The following ACACB variants were observed in gnomAD, a reference collection of about 807,000 sequenced individuals.
The protein encoded by ACACB is acetyl-CoA carboxylase beta.
ACACB carries 209 observed loss-of-function variants against 278.8 expected under a neutral mutation model. The ratio of observed to expected loss-of-function variants is 0.75; its 90% CI spans 0.67 to 0.84. The LOEUF (loss-of-function observed/expected upper bound fraction) is 0.84. Ranked by LOEUF, ACACB falls within the 40% of genes least tolerant of loss-of-function variation. The pLI is 0.00. For missense variants in ACACB, 2,850 were observed against 3,269.0 expected (o/e 0.87, Z 3.13); for synonymous variants, 1,174 against 1,285.6 (o/e 0.91, Z 1.86).
At chr12:109,201,452 T>A in intron 18 of ACACB, 115 bp from the exon 19 acceptor site, 1 of 1,249,004 alleles carries the variant, frequency 8.0e-7, no homozygotes, top group South Asian at 1.4e-5. Flanking sequence ...GGAGTCATTC[T>A]GGCGCGTCCC....
rs775811393 is a variant in ACACB at position 109,201,529 on chromosome 12, C to G, written c.2779-38C>G. The stretch of plus-strand genomic sequence containing the variant: ...TCTGGGTGGCTCTGGGTGTCAATCC[C>G]GGTGGGCTCTGTACTATTTCTTCTT... On this transcript the variant is annotated intron_variant, in intron 18 of 52. Transcript: ENST00000338432. 2.5e-6 allele frequency: 4 copies of G among 1,608,180 alleles called. No individual in the cohort carries two copies. In the East Asian group the frequency reaches 8.9e-5, roughly 36 times the overall value.
chr12:109,152,993 T>C (rs2043420273), intron 2 of ACACB, among the ~76,000 whole-genome samples: 1 of 151,848 alleles, frequency 6.6e-6, no homozygotes, highest in Non-Finnish European at 1.5e-5. Context: ...TTTTCATGTT[T>C]TTGTTTGTTT....
intron 17 of ACACB, among the ~76,000 whole-genome samples, chr12:109,199,093 G>A (rs1442957126): frequency 6.6e-6 from 1 of 152,102 alleles, no homozygotes; most frequent in Non-Finnish European, 1.5e-5. Flanking sequence ...GGGAGGCTGA[G>A]GCAGGAGAAT....
chr12:109,210,606 T>A (rs557892726), intron 21 of ACACB, among the ~76,000 whole-genome samples: 23 of 149,702 alleles, frequency 1.5e-4, no homozygotes, highest in Non-Finnish European at 2.7e-4. Flanking sequence ...TATGTATATA[T>A]ATAATATTTT....
In ACACB at chr12:109,184,321, G is replaced by T. The variant is rs187278753; in HGVS notation, c.1819-1258G>T. 1.8e-4 allele frequency among the ~76,000 whole-genome samples: 28 copies of T among 152,176 alleles called. 1 individual carries two copies. The highest frequency in any genetic ancestry group is 6.8e-3 in the Middle Eastern group (2 of 294). ...GCCCACCTCGGCCTCCCAAAATGCTGGGATTACAGGTATGCACCACTGTGC... is the reference window on the plus strand; with the variant it reads ...GCCCACCTCGGCCTCCCAAAATGCTTGGATTACAGGTATGCACCACTGTGC... On this transcript the variant is annotated intron_variant, in intron 11 of 52. Coordinates refer to ENST00000338432, the MANE Select transcript of ACACB (RefSeq NM_001093.4).
chr12:109,207,627 T>C (rs930613445), intron 20 of ACACB, among the ~76,000 whole-genome samples: 20 of 152,314 alleles, frequency 1.3e-4, no homozygotes, highest in African/African-American at 4.3e-4. Flanking sequence ...GAGCAAATCA[T>C]GATGGTGATG....
intron 47 of ACACB, chr12:109,260,225 G>T (rs926764658): frequency 1.0e-5 from 14 of 1,384,728 alleles, no homozygotes; most frequent in Non-Finnish European, 1.4e-5. Flanking sequence ...TTCAATTCCA[G>T]TTGGAAAGAA....
At chr12:109,172,425 T>A in intron 6 of ACACB, 69 bp downstream of exon 6, 1 of 1,427,912 alleles carries the variant, frequency 7.0e-7, no homozygotes, top group Non-Finnish European at 9.8e-7. Flanking sequence ...GGTCTGACCC[T>A]CTTTCTCCTC....
At chr12:109,204,254 T>C (rs2136351267) in intron 19 of ACACB, among the ~76,000 whole-genome samples, 1 of 150,560 alleles carries the variant, frequency 6.6e-6, no homozygotes, top group South Asian at 2.1e-4. Context: ...CACCCTGTTG[T>C]GCTATCAATA....
chr12:109,219,647 CTT>C (rs755717303), intron 24 of ACACB, among the ~76,000 whole-genome samples: 5 of 152,164 alleles, frequency 3.3e-5, no homozygotes, highest in Non-Finnish European at 7.3e-5. Context: ...CTGCAACTGA[CTT>C]TCAGAAAAAG....
At position 109,139,943 on chromosome 12, in the gene ACACB, G is replaced by C; in HGVS notation, c.538G>C (p.Val180Leu). The C allele has an allele frequency of 5.0e-6, 8 of 1,614,140 alleles. No individual in the cohort carries two copies. Among genetic ancestry groups the C allele is most frequent in the Non-Finnish European group, 6.8e-6 (8 of 1,180,030 alleles). ...TGACTACTCCTCCGACGAGGACTCT[G>C]TTGCTGGCTCATCTCGTGAGTCTAC... is the stretch of plus-strand genomic sequence containing the variant. Reference protein sequence around the residue: ...FDDYSSDEDSVAGSSRESTRK... With the variant: ...FDDYSSDEDSLAGSSRESTRK... The change falls in exon 2 of 53, where the codon GTT becomes CTT. Residue 180 changes from valine (V) to leucine (L), a missense_variant. Coordinates refer to ENST00000338432, the MANE Select transcript of ACACB (RefSeq NM_001093.4).
intron 2 of ACACB, among the ~76,000 whole-genome samples, chr12:109,159,290 C>T (rs1475492881): frequency 6.6e-6 from 1 of 152,216 alleles, no homozygotes; most frequent in Non-Finnish European, 1.5e-5. Context: ...GGCTCAGAAT[C>T]AGCTCTTAGC....
At chr12:109,131,463 G>A (rs2042825206) in intron 1 of ACACB, 1 of 152,718 alleles carries the variant, frequency 6.5e-6, no homozygotes, top group South Asian at 2.1e-4. Context: ...TAATCTTGGT[G>A]GGAGGAAAAA....
Position 109,235,664 on chromosome 12 carries a change from T to C in ACACB, c.4446+17T>C. On this transcript the variant is annotated intron_variant, in intron 33 of 52. Transcript: ENST00000338432. ...AGAGATGAGGTATGGCCAAAAGTAATGATGTTTTCTCTTCTCTAGCATCTT... is the reference window on the plus strand; with the variant it reads ...AGAGATGAGGTATGGCCAAAAGTAACGATGTTTTCTCTTCTCTAGCATCTT... 2 of 1,603,988 alleles carry C rather than the reference T, an allele frequency of 1.2e-6. No homozygotes were observed. The highest frequency in any genetic ancestry group is 1.7e-6 in the Non-Finnish European group (2 of 1,171,746).
intron 1 of ACACB, among the ~76,000 whole-genome samples, chr12:109,132,111 A>C (rs970880177): frequency 6.6e-6 from 1 of 152,160 alleles, no homozygotes; most frequent in African/African-American, 2.4e-5. Context: ...ACAGTTTACC[A>C]AGCTGTAAAA....
intron 32 of ACACB, 93 bp downstream of exon 32, chr12:109,235,462 A>G: frequency 6.8e-7 from 1 of 1,467,670 alleles, no homozygotes; most frequent in Non-Finnish European, 9.5e-7. Context: ...ATTTGGGTGA[A>G]AGAGATCATT....
chr12:109,126,691 A>T (rs1001204978), intron 1 of ACACB, among the ~76,000 whole-genome samples: 1 of 151,652 alleles, frequency 6.6e-6, no homozygotes, highest in Non-Finnish European at 1.5e-5. Context: ...CTCTACACAC[A>T]CAAAAAAAAT....
chr12:109,242,798 T>G, intron 37 of ACACB: 1 of 556,654 alleles, frequency 1.8e-6, no homozygotes, highest in Non-Finnish European at 3.1e-6. Context: ...GAACCCCATC[T>G]CTACAAAATA....
intron 17 of ACACB, among the ~76,000 whole-genome samples, chr12:109,197,406 A>G (rs1214666427): frequency 1.3e-5 from 2 of 152,154 alleles, no homozygotes; most frequent in African/African-American, 4.8e-5. Context: ...TGAACGGGAC[A>G]TGACTCCCAG....
Sources: allele counts gnomAD v4.1 joint callset (sites outside exome capture counted in the v4.1 genomes callset), GRCh38; gene constraint gnomAD v4.1.1; transcripts MANE v1.5; gene names NCBI Gene and HGNC (gene_info 2026-07-23, HGNC 2026-07-21).